The following ORC3 variants were observed in gnomAD, a reference collection of about 807,000 sequenced individuals.
The protein encoded by ORC3 is homolog of latheo, Drosophila.
ORC3 carries 78 observed loss-of-function variants against 100.7 expected under a neutral mutation model. That is an observed-to-expected ratio of 0.77 (90% CI 0.65 to 0.94). ORC3 has a LOEUF of 0.94. Among genes scored for constraint, ORC3 ranks in the 40% least tolerant of loss-of-function variants. The pLI is 0.00. For missense variants in ORC3, 789 were observed against 823.9 expected (o/e 0.96, Z 0.52); for synonymous variants, 295 against 289.3 (o/e 1.02, Z -0.20).
At chr6:87,622,275 G>C (rs986873664) in intron 11 of ORC3, among the ~76,000 whole-genome samples, 11 of 151,992 alleles carry the variant, frequency 7.2e-5, no homozygotes, top group African/African-American at 2.7e-4. Flanking sequence ...AGCACCTTTA[G>C]ATCTATAGAG....
At chr6:87,638,152 G>A (rs754963008) in intron 13 of ORC3, among the ~76,000 whole-genome samples, 24 of 152,190 alleles carry the variant, frequency 1.6e-4, no homozygotes, top group South Asian at 4.1e-4. Flanking sequence ...GCTAAGCTGA[G>A]GTCAGAAACA....
intron 2 of ORC3, among the ~76,000 whole-genome samples, chr6:87,600,342 AC>A (rs1777802123): frequency 6.6e-6 from 1 of 152,146 alleles, no homozygotes; most frequent in Non-Finnish European, 1.5e-5. Context: ...AAAAAAAGAG[AC>A]CTGTGATATT....
chr6:87,666,279 CTG>C (rs1770603570), intron 19 of ORC3, among the ~76,000 whole-genome samples: 1 of 151,780 alleles, frequency 6.6e-6, no homozygotes, highest in South Asian at 2.1e-4. Flanking sequence ...TTACAGGTGC[CTG>C]CCACCAAGCC....
the ORC3 span, among the ~76,000 whole-genome samples, chr6:87,676,943 G>A: frequency 1.5e-4 from 23 of 152,040 alleles, no homozygotes; most frequent in Middle Eastern, 3.4e-3. Context: ...CGGGCATGGT[G>A]GTAGGTGCCT....
chr6:87,633,672 G>A (rs758775821), intron 11 of ORC3, among the ~76,000 whole-genome samples: 1 of 152,060 alleles, frequency 6.6e-6, no homozygotes, highest in Non-Finnish European at 1.5e-5. Context: ...AAAATAATGG[G>A]TATCTGCAAG....
intron 11 of ORC3, among the ~76,000 whole-genome samples, chr6:87,628,448 A>C (rs917249026): frequency 5.9e-5 from 9 of 152,336 alleles, no homozygotes; most frequent in African/African-American, 1.9e-4. Context: ...AAATACTGAA[A>C]ATCTTCATAC....
downstream of ORC3, among the ~76,000 whole-genome samples, chr6:87,669,479 T>G (rs141597510): frequency 8.8e-3 from 1,333 of 152,324 alleles, 10 homozygotes; most frequent in African/African-American, 0.03. Context: ...CAAGTACCAC[T>G]ACTACCATAG....
chr6:87,612,387 T>C (rs976253167), intron 8 of ORC3, 139 bp downstream of exon 8: 4 of 479,550 alleles, frequency 8.3e-6, no homozygotes, highest in Admixed American at 4.1e-5. Flanking sequence ...TACTTTAATA[T>C]TTTTACTTAA....
At chr6:87,660,236 T>G (rs1770079837) in intron 16 of ORC3, among the ~76,000 whole-genome samples, 1 of 152,252 alleles carries the variant, frequency 6.6e-6, no homozygotes, top group African/African-American at 2.4e-5. Context: ...TAATTAAATG[T>G]GTTTTGTTGT....
intron 16 of ORC3, among the ~76,000 whole-genome samples, chr6:87,659,688 C>G (rs901325886): frequency 4.0e-5 from 6 of 151,864 alleles, no homozygotes; most frequent in African/African-American, 1.2e-4. Context: ...TTGAGACCAA[C>G]CTGACCATCA....
chr6:87,618,087 C>T (rs1228975612), intron 9 of ORC3, among the ~76,000 whole-genome samples: 1 of 152,160 alleles, frequency 6.6e-6, no homozygotes, highest in African/African-American at 2.4e-5. Flanking sequence ...CAACCAAGCA[C>T]TATGCTGAAC....
Position 87,667,047 on chromosome 6 carries a change from T to C in ORC3, c.2060T>C (p.Leu687Pro). The C allele has an allele frequency of 6.2e-7, 1 of 1,612,628 alleles. No individual in the cohort carries two copies. Among genetic ancestry groups the C allele is most frequent in the Non-Finnish European group, 8.5e-7 (1 of 1,179,326 alleles). Reference sequence around the variant, plus strand: ...CGGTTTATTAGAGCTGTTTCTGAACTAGAACTTTTAGGATTTATAAAACCT... The same window carrying C: ...CGGTTTATTAGAGCTGTTTCTGAACCAGAACTTTTAGGATTTATAAAACCT... The part of the protein sequence containing the change: ...HARFIRAVSE[L>P]ELLGFIKPTK... Residue 687 changes from leucine (L) to proline (P), a missense_variant, in exon 20 of 20, where the codon CTA becomes CCA. Leu to Pro is a moderately conservative substitution (Grantham distance 98). Coordinates refer to ENST00000392844, the MANE Select transcript of ORC3 (RefSeq NM_012381.4).
At chr6:87,598,909 A>T (rs146885381) in intron 2 of ORC3, among the ~76,000 whole-genome samples, 1,617 of 152,300 alleles carry the variant, frequency 0.011, 11 homozygotes, top group Non-Finnish European at 0.016. Context: ...TAAGACTGGT[A>T]ACTCTCCCTC....
chr6:87,600,236 G>A (rs1384348775), intron 2 of ORC3, among the ~76,000 whole-genome samples: 3 of 152,042 alleles, frequency 2.0e-5, no homozygotes, highest in Non-Finnish European at 4.4e-5. Context: ...GAAATTTAAC[G>A]TGAACACTCC....
At position 87,663,024 on chromosome 6, in the gene ORC3, G is replaced by C; in HGVS notation, c.1713G>C (p.Glu571Asp). The change falls in exon 17 of 20, where the codon GAG becomes GAC. Residue 571 changes from glutamate (E) to aspartate (D), a missense_variant. Physicochemically the swap from Glu to Asp is conservative, Grantham distance 45 (BLOSUM62 2). Coordinates refer to ENST00000392844, the MANE Select transcript of ORC3 (RefSeq NM_012381.4). Reference protein sequence around the residue: ...CLVREYLLPPETQPLHEVVYF... With the variant: ...CLVREYLLPPDTQPLHEVVYF... ...TCAGAGAATACCTTCTGCCTCCTGA[G>C]ACACAGCCTCTCCATGAGGTGGTGT... The C allele has an allele frequency of 6.2e-7, 1 of 1,609,752 alleles. No individual in the cohort carries two copies. The highest frequency in any genetic ancestry group is 8.5e-7 in the Non-Finnish European group (1 of 1,177,108).
intron 4 of ORC3, among the ~76,000 whole-genome samples, chr6:87,605,674 A>G (rs1778281735): frequency 6.6e-6 from 1 of 152,130 alleles, no homozygotes; most frequent in African/African-American, 2.4e-5. Flanking sequence ...GAAGCTTTCA[A>G]GTGCACATCC....
intron 9 of ORC3, among the ~76,000 whole-genome samples, chr6:87,620,984 T>C (rs1421039601): frequency 6.6e-6 from 1 of 152,220 alleles, no homozygotes; most frequent in East Asian, 1.9e-4. Flanking sequence ...GATTTTAGAT[T>C]GGCATTTTCT....
intron 11 of ORC3, among the ~76,000 whole-genome samples, chr6:87,632,895 A>G (rs1319673715): frequency 6.6e-6 from 1 of 152,208 alleles, no homozygotes; most frequent in Non-Finnish European, 1.5e-5. Flanking sequence ...TTTTTTAAAC[A>G]CTAGAACTCT....
chr6:87,659,990 G>A (rs1770062971), intron 16 of ORC3, among the ~76,000 whole-genome samples: 1 of 152,112 alleles, frequency 6.6e-6, no homozygotes, highest in Admixed American at 6.5e-5. Flanking sequence ...TGTTCTTGTA[G>A]AGTCTAGCCC....
Sources: allele counts gnomAD v4.1 joint callset (sites outside exome capture counted in the v4.1 genomes callset), GRCh38; gene constraint gnomAD v4.1.1; transcripts MANE v1.5; gene names NCBI Gene and HGNC (gene_info 2026-07-23, HGNC 2026-07-21).